The following CCDC73 variants were observed in gnomAD, a reference collection of about 807,000 sequenced individuals.
CCDC73 encodes coiled-coil domain containing 73.
Under a neutral mutation model 116.5 loss-of-function variants are expected in CCDC73, and 95 were observed. The ratio of observed to expected loss-of-function variants is 0.82; its 90% CI spans 0.69 to 0.97. The LOEUF (loss-of-function observed/expected upper bound fraction) is 0.97, where lower values mean the gene tolerates loss of function less well. CCDC73 is among the 50% of genes least tolerant of loss of function. The probability of loss-of-function intolerance (pLI) is 0.00; values close to 1 mark genes in which losing one functional copy is unlikely to be tolerated. For synonymous variants in CCDC73, 398 were observed against 401.3 expected (o/e 0.99, Z 0.10); for missense variants, 1,066 against 1,206.8 (o/e 0.88, Z 1.73).
intron 4 of CCDC73, 123 bp downstream of exon 4, chr11:32,702,750 A>G (rs2133316675): frequency 1.4e-6 from 1 of 738,586 alleles, no homozygotes; most frequent in South Asian, 1.5e-5. Flanking sequence ...CCTACTTCCC[A>G]TAATACCTTG....
the CCDC73 span, among the ~76,000 whole-genome samples, chr11:32,803,075 T>C: frequency 6.8e-6 from 1 of 146,114 alleles, no homozygotes; most frequent in Non-Finnish European, 1.5e-5. Context: ...GTATTTACCA[T>C]AAGGTTTGTT....
chr11:32,639,152 G>A (rs952629678), intron 13 of CCDC73, among the ~76,000 whole-genome samples: 3 of 137,568 alleles, frequency 2.2e-5, no homozygotes, highest in Admixed American at 7.3e-5. Context: ...CATCTTCCCC[G>A]ACACCCCCCC....
chr11:32,830,091 A>ACCGAGGGCCTGGCGG, the CCDC73 span: 4 of 990,324 alleles, frequency 4.0e-6, no homozygotes, highest in African/African-American at 5.2e-5. Context: ...GGCGCCGGAG[A>ACCGAGGGCCTGGCGG]CCGAGGGCCT....
At chr11:32,823,780 C>T in the CCDC73 span, among the ~76,000 whole-genome samples, 28 of 152,018 alleles carry the variant, frequency 1.8e-4, no homozygotes, top group Admixed American at 5.2e-4. Flanking sequence ...TGCTCTATTG[C>T]CCAAGCTGGA....
upstream of CCDC73, chr11:32,794,693 C>T (rs1850708053): frequency 6.6e-6 from 1 of 152,238 alleles, no homozygotes; most frequent in African/African-American, 2.4e-5. Flanking sequence ...GCTTGAAGGT[C>T]ATTAGCCTAA....
chr11:32,791,364 T>C (rs1410040131), intron 1 of CCDC73, among the ~76,000 whole-genome samples: 1 of 152,254 alleles, frequency 6.6e-6, no homozygotes. Flanking sequence ...GATACATTTC[T>C]AAAAACAGGT....
intron 1 of CCDC73, among the ~76,000 whole-genome samples, chr11:32,764,785 G>A (rs187134829): frequency 6.6e-6 from 1 of 152,090 alleles, no homozygotes; most frequent in Non-Finnish European, 1.5e-5. Context: ...AATGTAAATG[G>A]GCTAAATGCT....
rs1849771437 is a variant in CCDC73, at chr11:32,698,010, A to ATTTTTTTTTTTTTTTTTTTTTTTT, written c.390+1240_390+1241insAAAAAAAAAAAAAAAAAAAAAAAA. Among the ~76,000 whole-genome samples, 3 of 117,758 alleles carry ATTTTTTTTTTTTTTTTTTTTTTTT rather than the reference A, an allele frequency of 2.5e-5. 1 individual carries two copies. The highest frequency in any genetic ancestry group is 2.7e-4 in the South Asian group (1 of 3,750). 77.3% of individuals were successfully genotyped at this position (117,758 alleles called of 152,430 possible). A position where few individuals can be genotyped will look rare whatever the true frequency, so the allele number is the denominator to read the frequency against. On this transcript the variant is annotated intron_variant, in intron 6 of 17. Transcript: ENST00000335185. ...TCTGTTGTTTCTTTGTCTAACACTG[A>ATTTTTTTTTTTTTTTTTTTTTTTT]ATTTTTTTTTTTTTTTTTTTTTTTT...
At chr11:32,779,110 G>A (rs1434864027) in intron 1 of CCDC73, among the ~76,000 whole-genome samples, 1 of 152,090 alleles carries the variant, frequency 6.6e-6, no homozygotes, top group Non-Finnish European at 1.5e-5. Flanking sequence ...AATAGTCATT[G>A]ATTCTCTCAG....
the CCDC73 span, among the ~76,000 whole-genome samples, chr11:32,823,874 T>G: frequency 1.3e-5 from 2 of 151,208 alleles, no homozygotes; most frequent in African/African-American, 2.5e-5. Context: ...CTGAAAATGT[T>G]TTTTGTTTGT....
At position 32,661,541 on chromosome 11, in the gene CCDC73, A is replaced by G. The variant is rs528116751; in HGVS notation, c.646-6569T>C. 1.4e-3 allele frequency among the ~76,000 whole-genome samples: 212 copies of G among 150,028 alleles called. 4 individuals are homozygous for G. The highest frequency in any genetic ancestry group is 5.0e-3 in the African/African-American group (205 of 40,620). The stretch of plus-strand genomic sequence containing the variant: ...GTTCAATTCCCACCTGAGAGTGAGA[A>G]CATGCGGTGTTTGGATTTTGTCCTT... On this transcript the variant is annotated intron_variant, in intron 9 of 17. Transcript: ENST00000335185.
intron 4 of CCDC73, 65 bp from the exon 5 acceptor site, chr11:32,700,891 T>C (rs1318998401): frequency 7.4e-6 from 5 of 673,340 alleles, no homozygotes; most frequent in Non-Finnish European, 1.2e-5. Flanking sequence ...TACTGGTCAC[T>C]GAGACTAAAG....
intron 17 of CCDC73, among the ~76,000 whole-genome samples, chr11:32,608,045 C>T (rs1187279829): frequency 6.6e-6 from 1 of 152,166 alleles, no homozygotes; most frequent in East Asian, 1.9e-4. Context: ...ATTCTATTAC[C>T]TCCCACCAGG....
At chr11:32,830,553 C>T in the CCDC73 span, 2 of 1,599,852 alleles carry the variant, frequency 1.3e-6, no homozygotes, top group South Asian at 1.1e-5. Flanking sequence ...TGGTTCTACT[C>T]AGCCAACTGC....
chr11:32,683,506 G>T (rs745530798), intron 7 of CCDC73, 30 bp downstream of exon 7: 49 of 1,423,860 alleles, frequency 3.4e-5, no homozygotes, highest in Admixed American at 8.4e-5. Flanking sequence ...TAATCCAGAT[G>T]GGGGAAAATA....
intron 2 of CCDC73, among the ~76,000 whole-genome samples, chr11:32,755,695 G>A (rs1178518574): frequency 3.7e-5 from 1 of 26,960 alleles, no homozygotes; most frequent in African/African-American, 1.6e-4. Flanking sequence ...ATATATATGT[G>A]TATATATATA....
the CCDC73 span, among the ~76,000 whole-genome samples, chr11:32,807,582 AT>A: frequency 4.6e-5 from 6 of 130,634 alleles, no homozygotes; most frequent in African/African-American, 1.5e-4. Flanking sequence ...ACATTATGGG[AT>A]TTTTTTTTGG....
chr11:32,667,187 A>C (rs919342984), intron 9 of CCDC73, among the ~76,000 whole-genome samples: 1 of 152,162 alleles, frequency 6.6e-6, no homozygotes, highest in Non-Finnish European at 1.5e-5. Flanking sequence ...CTCTCTTCGA[A>C]GCTGTCAGAC....
intron 2 of CCDC73, among the ~76,000 whole-genome samples, chr11:32,742,920 C>G (rs1240259179): frequency 6.6e-6 from 1 of 152,120 alleles, no homozygotes; most frequent in Middle Eastern, 3.2e-3. Flanking sequence ...AGAATCTTTT[C>G]CCCATTGCTT....
Sources: gnomAD v4.1 joint callset for allele counts (sites outside exome capture counted in the v4.1 genomes callset) on GRCh38, gnomAD v4.1.1 for gene constraint, MANE v1.5 for transcripts, NCBI Gene and HGNC (gene_info 2026-07-23, HGNC 2026-07-21) for gene names.